The following ARHGAP8 variants were observed in gnomAD, a reference collection of about 807,000 sequenced individuals.
The protein encoded by ARHGAP8 is Rho GTPase activating protein 8, also known as rho GTPase-activating protein 8.
A neutral mutation model predicts 46.1 loss-of-function variants in ARHGAP8; 62 were observed. The observed-to-expected ratio is 1.34, with a 90% CI of 1.10 to 1.66. The LOEUF is 1.66. ARHGAP8 is among the 40% of genes most tolerant of loss of function. The pLI is 0.00. For synonymous variants in ARHGAP8, 375 were observed against 243.1 expected (o/e 1.54, Z -5.05); for missense variants, 923 against 568.4 (o/e 1.62, Z -6.34).
chr22:44,862,017 T>TG (rs370782693), intron 11 of ARHGAP8, among the ~76,000 whole-genome samples: 25 of 152,064 alleles, frequency 1.6e-4, no homozygotes, highest in Non-Finnish European at 2.5e-4. Context: ...GAGGAGATAG[T>TG]GGGGGGTTGA....
chr22:44,754,373 T>TGTGTGTGTGTGTGTGTGTGTGTGA (rs1555907814), intron 1 of ARHGAP8, among the ~76,000 whole-genome samples: 16 of 147,602 alleles, frequency 1.1e-4, no homozygotes, highest in African/African-American at 3.7e-4. Flanking sequence ...TGTGTGTGTG[T>TGTGTGTGTGTGTGTGTGTGTGTGA]GACGCAGTTT....
chr22:44,835,950 G>A (rs1171094003), intron 7 of ARHGAP8, among the ~76,000 whole-genome samples: 6 of 152,232 alleles, frequency 3.9e-5, no homozygotes, highest in Middle Eastern at 3.4e-3. Flanking sequence ...TTCTCTTTGC[G>A]ATCGGCCTCC....
intron 1 of ARHGAP8, among the ~76,000 whole-genome samples, chr22:44,757,376 C>T (rs1924767814): frequency 6.6e-6 from 1 of 151,994 alleles, no homozygotes; most frequent in Non-Finnish European, 1.5e-5. Context: ...GTCCCGGGTT[C>T]AAGCTATTCT....
chr22:44,759,890 C>T (rs1351010670), intron 1 of ARHGAP8, among the ~76,000 whole-genome samples: 1 of 152,204 alleles, frequency 6.6e-6, no homozygotes, highest in African/African-American at 2.4e-5. Flanking sequence ...GTTGCGCACC[C>T]GAATGATCAC....
chr22:44,825,862 G>A (rs1478708503), intron 7 of ARHGAP8, among the ~76,000 whole-genome samples: 1 of 126,334 alleles, frequency 7.9e-6, no homozygotes, highest in East Asian at 2.4e-4. Flanking sequence ...CTCGCTGCTC[G>A]GTGCCTGGTT....
chr22:44,815,855 T>TGG (rs148344539), intron 5 of ARHGAP8, among the ~76,000 whole-genome samples: 6,315 of 150,422 alleles, frequency 0.042, 259 homozygotes, highest in Middle Eastern at 0.12. Flanking sequence ...ATGACGGGGG[T>TGG]GGGGTGGGGA....
At chr22:44,837,968 T>C (rs1016159969) in intron 7 of ARHGAP8, among the ~76,000 whole-genome samples, 1 of 152,032 alleles carries the variant, frequency 6.6e-6, no homozygotes, top group African/African-American at 2.4e-5. Flanking sequence ...CTGAGAGTCT[T>C]TTATTTTATT....
chr22:44,858,533 C>CGTTTTTTTT (rs2070310337), intron 10 of ARHGAP8, among the ~76,000 whole-genome samples: 1 of 89,784 alleles, frequency 1.1e-5, no homozygotes, highest in African/African-American at 4.6e-5. Flanking sequence ...CCATACCCGG[C>CGTTTTTTTT]TTTTTTTTTT....
intron 1 of ARHGAP8, among the ~76,000 whole-genome samples, chr22:44,768,172 T>C (rs1353276118): frequency 6.6e-6 from 1 of 151,608 alleles, no homozygotes; most frequent in Admixed American, 6.6e-5. Context: ...AATTTTTGTA[T>C]TTTTAGTAGA....
intron 2 of ARHGAP8, among the ~76,000 whole-genome samples, chr22:44,788,736 G>T (rs1392807918): frequency 1.3e-5 from 2 of 152,116 alleles, no homozygotes; most frequent in Non-Finnish European, 1.5e-5. Context: ...TGAATTTTCT[G>T]TTTTAGTTTT....
At position 44,773,707 on chromosome 22, in the gene ARHGAP8, C is replaced by T. The variant is rs117644580; in HGVS notation, c.-71-12750C>T. Among the ~76,000 whole-genome samples, 3 of 152,252 alleles carry T rather than the reference C, an allele frequency of 2.0e-5. No individual in the cohort carries two copies. In the East Asian group the frequency reaches 5.8e-4, roughly 29 times the overall value. On this transcript the variant is annotated intron_variant, in intron 1 of 11. Transcript: ENST00000356099. ...AAGTGATTCTCCTGCCTCAATCTCC[C>T]GAGTAGCTAGGACTAAAGGTGTACA...
chr22:44,859,113 T>A (rs1303290578), intron 10 of ARHGAP8, among the ~76,000 whole-genome samples: 1 of 152,180 alleles, frequency 6.6e-6, no homozygotes. Context: ...GTGATTCGGC[T>A]TTAGCAGCTT....
chr22:44,845,372 C>G (rs776407512), intron 8 of ARHGAP8, 30 bp downstream of exon 8: 6 of 1,613,428 alleles, frequency 3.7e-6, no homozygotes, highest in Non-Finnish European at 5.1e-6. Context: ...AGCTGGATGA[C>G]GTGAGGGCTG....
At chr22:44,755,599 G>A (rs949674433) in intron 1 of ARHGAP8, among the ~76,000 whole-genome samples, 4 of 152,196 alleles carry the variant, frequency 2.6e-5, no homozygotes, top group Non-Finnish European at 5.9e-5. Flanking sequence ...TCCTGCCCCA[G>A]CTGCCTTCAC....
intron 1 of ARHGAP8, among the ~76,000 whole-genome samples, chr22:44,780,273 C>T (rs1188949052): frequency 1.3e-5 from 2 of 151,054 alleles, no homozygotes; most frequent in Non-Finnish European, 3.0e-5. Context: ...AAGAGGATCT[C>T]TTGAGCCCAG....
chr22:44,858,185 T>C (rs142701552), intron 10 of ARHGAP8, among the ~76,000 whole-genome samples: 1 of 152,180 alleles, frequency 6.6e-6, no homozygotes, highest in Admixed American at 6.5e-5. Flanking sequence ...GCAGTGGGTG[T>C]TTGTAGAGCA....
intron 2 of ARHGAP8, among the ~76,000 whole-genome samples, chr22:44,797,217 CTTT>C (rs370851544): frequency 3.1e-5 from 4 of 127,962 alleles, no homozygotes; most frequent in Admixed American, 7.9e-5. Context: ...TGCTACTTGG[CTTT>C]TTTTTTTTTT....
intron 11 of ARHGAP8, among the ~76,000 whole-genome samples, chr22:44,861,326 G>T (rs866085229): frequency 6.6e-6 from 1 of 152,166 alleles, no homozygotes; most frequent in East Asian, 1.9e-4. Context: ...CCACCTCCAT[G>T]GGCACCGATG....
intron 10 of ARHGAP8, among the ~76,000 whole-genome samples, chr22:44,859,421 A>G (rs151310309): frequency 1.3e-4 from 20 of 152,208 alleles, no homozygotes; most frequent in African/African-American, 4.6e-4. Context: ...CTTCTGCCAT[A>G]ATTGGAAGCC....
Sources: allele counts gnomAD v4.1 joint callset (sites outside exome capture counted in the v4.1 genomes callset), GRCh38; gene constraint gnomAD v4.1.1; transcripts MANE v1.5; gene names NCBI Gene and HGNC (gene_info 2026-07-23, HGNC 2026-07-21).